Variants in SDK1 observed in about 807,000 individuals in gnomAD.
SDK1 encodes the protein protein sidekick-1.
In SDK1, 157 loss-of-function variants were observed where a neutral mutation model predicts 245.5. That is an observed-to-expected ratio of 0.64 (90% CI 0.56 to 0.73). The LOEUF (loss-of-function observed/expected upper bound fraction) is 0.73. Ranked by LOEUF, SDK1 falls within the 30% of genes least tolerant of loss-of-function variation. The probability of loss-of-function intolerance (pLI) is 0.00; values close to 1 mark genes in which losing one functional copy is unlikely to be tolerated. For missense variants in SDK1, 3,583 were observed against 3,002.3 expected (o/e 1.19, Z -4.52); for synonymous variants, 1,647 against 1,278.5 (o/e 1.29, Z -6.15).
At chr7:3,862,617 T>C (rs1780721464) in intron 5 of SDK1, among the ~76,000 whole-genome samples, 1 of 152,222 alleles carries the variant, frequency 6.6e-6, no homozygotes. Context: ...GAATAGTCAG[T>C]GACTTTCACT....
rs149803489 is a variant in SDK1, at chr7:3,786,183, C to G, written c.714-35267C>G. Among the ~76,000 whole-genome samples, 4 of 152,282 alleles carry G rather than the reference C, an allele frequency of 2.6e-5. No individual in the cohort carries two copies. The East Asian group carries it at 7.7e-4, about 29-fold the overall frequency. ...TTACTCTTTCCCTTCTTCCTTCCAT[C>G]CTTGTCAAAAGCATTTATGTACTGG... On this transcript the variant is annotated intron_variant, in intron 4 of 44. Transcript: ENST00000404826.
chr7:3,909,528 C>T (rs774325260), intron 5 of SDK1, among the ~76,000 whole-genome samples: 1 of 152,216 alleles, frequency 6.6e-6, no homozygotes, highest in Non-Finnish European at 1.5e-5. Context: ...CTACCTCTCC[C>T]AAAGACAGTA....
At chr7:3,731,754 T>A (rs1049640669) in intron 4 of SDK1, among the ~76,000 whole-genome samples, 3 of 152,230 alleles carry the variant, frequency 2.0e-5, no homozygotes, top group Admixed American at 1.3e-4. Context: ...GAGAAAAAAA[T>A]TCTCCATGGA....
intron 5 of SDK1, among the ~76,000 whole-genome samples, chr7:3,874,146 C>G (rs1781019593): frequency 6.6e-6 from 1 of 152,162 alleles, no homozygotes; most frequent in South Asian, 2.1e-4. Context: ...TTCGTTTGGT[C>G]AGAGATTTGG....
intron 22 of SDK1, among the ~76,000 whole-genome samples, chr7:4,085,947 A>C (rs970070532): frequency 2.6e-5 from 4 of 152,240 alleles, no homozygotes; most frequent in African/African-American, 9.6e-5. Context: ...ACTATTTAAA[A>C]AGTGACATTC....
At chr7:3,403,842 T>TATATATATATATA (rs1778963593) in intron 1 of SDK1, among the ~76,000 whole-genome samples, 3 of 80,738 alleles carry the variant, frequency 3.7e-5, no homozygotes, top group African/African-American at 9.9e-5. Context: ...TATATATATA[T>TATATATATATATA]ATATATATAT....
chr7:3,670,483 C>G (rs188681241), intron 4 of SDK1, among the ~76,000 whole-genome samples: 1 of 152,300 alleles, frequency 6.6e-6, no homozygotes, highest in Admixed American at 6.5e-5. Flanking sequence ...TGGACAAGTT[C>G]TTGAACCTAT....
intron 4 of SDK1, among the ~76,000 whole-genome samples, chr7:3,716,519 G>C (rs1424006595): frequency 2.6e-5 from 4 of 152,078 alleles, no homozygotes; most frequent in Non-Finnish European, 5.9e-5. Context: ...CCACTTTGAG[G>C]GACATTGATG....
At chr7:3,661,937 A>G (rs1188124842) in intron 4 of SDK1, among the ~76,000 whole-genome samples, 2 of 151,812 alleles carry the variant, frequency 1.3e-5, no homozygotes, top group Non-Finnish European at 2.9e-5. Context: ...TTAGACTACT[A>G]CCTGGGTGTA....
chr7:3,335,905 G>T (rs762595847), intron 1 of SDK1, among the ~76,000 whole-genome samples: 1 of 150,088 alleles, frequency 6.7e-6, no homozygotes, highest in Non-Finnish European at 1.5e-5. Context: ...TAACAAAGAA[G>T]CATAGGAAGA....
chr7:3,990,189 G>A (rs769015123), intron 14 of SDK1, among the ~76,000 whole-genome samples: 2 of 152,254 alleles, frequency 1.3e-5, no homozygotes, highest in Non-Finnish European at 2.9e-5. Context: ...CCCAGAGGCA[G>A]TATGTTATTC....
chr7:3,576,074 C>G lies in SDK1; in HGVS notation c.299-43006C>G, dbSNP rs1439136090. Among the ~76,000 whole-genome samples, 6 of 152,198 alleles carry G rather than the reference C, an allele frequency of 3.9e-5. No individual in the cohort carries two copies. The South Asian group carries it at 8.3e-4, about 21-fold the overall frequency. On this transcript the variant is annotated intron_variant, in intron 1 of 44. Transcript: ENST00000404826. ...AAGATGAGGAAAATCACAAACCTGA[C>G]TTTACATTTCAGATCCAGTTTCAAA...
At chr7:3,543,106 G>T (rs778011884) in intron 1 of SDK1, among the ~76,000 whole-genome samples, 1 of 152,188 alleles carries the variant, frequency 6.6e-6, no homozygotes, top group African/African-American at 2.4e-5. Flanking sequence ...TGCCAAAAAC[G>T]TGTTGACCTA....
intron 38 of SDK1, among the ~76,000 whole-genome samples, chr7:4,211,060 A>G (rs1407219114): frequency 6.6e-6 from 1 of 152,158 alleles, no homozygotes; most frequent in Non-Finnish European, 1.5e-5. Flanking sequence ...GCCACAGCAC[A>G]CGGGGCTATG....
chr7:3,914,956 G>T (rs1474324627), intron 5 of SDK1, among the ~76,000 whole-genome samples: 1 of 152,324 alleles, frequency 6.6e-6, no homozygotes, highest in South Asian at 2.1e-4. Flanking sequence ...GGTGGTTGTT[G>T]ATAGTATGGA....
intron 4 of SDK1, among the ~76,000 whole-genome samples, chr7:3,779,133 AATTG>A (rs760553055): frequency 5.9e-5 from 9 of 152,148 alleles, no homozygotes; most frequent in African/African-American, 1.2e-4. Context: ...TATTATTTTA[AATTG>A]ATTGATGTGA....
chr7:4,166,787 C>G (rs1425842728), intron 32 of SDK1, among the ~76,000 whole-genome samples: 1 of 152,214 alleles, frequency 6.6e-6, no homozygotes, highest in African/African-American at 2.4e-5. Flanking sequence ...GTTGAGCCTC[C>G]CTCAGCCCAG....
At chr7:3,508,302 A>G (rs928340575) in intron 1 of SDK1, among the ~76,000 whole-genome samples, 4 of 147,764 alleles carry the variant, frequency 2.7e-5, no homozygotes, top group Admixed American at 6.8e-5. Flanking sequence ...CCTCTCTGAC[A>G]TCATCATTCT....
Position 3,733,123 on chromosome 7 carries a change from A to G in SDK1, c.714-88327A>G, listed in dbSNP as rs534323479. 3.3e-5 allele frequency among the ~76,000 whole-genome samples: 5 copies of G among 152,328 alleles called. No individual in the cohort carries two copies. The South Asian group carries it at 8.3e-4, about 25-fold the overall frequency. On this transcript the variant is annotated intron_variant, in intron 4 of 44. Coordinates refer to ENST00000404826, the MANE Select transcript of SDK1 (RefSeq NM_152744.4). ...GTGATGAGCTTAAAAGAGTTTGACA[A>G]GTTTCTTGGAAAGAACGTTAGGTAA... is the stretch of plus-strand genomic sequence containing the variant.
Sources: gnomAD v4.1 joint callset for allele counts (sites outside exome capture counted in the v4.1 genomes callset) on GRCh38, gnomAD v4.1.1 for gene constraint, MANE v1.5 for transcripts, NCBI Gene and HGNC (gene_info 2026-07-23, HGNC 2026-07-21) for gene names.